The following PCDHGA1 variants were observed in gnomAD, a reference collection of about 807,000 sequenced individuals.
PCDHGA1 encodes protocadherin gamma-A1.
PCDHGA1 carries 32 observed loss-of-function variants against 58.0 expected under a neutral mutation model. That is an observed-to-expected ratio of 0.55 (90% confidence interval 0.42 to 0.74). The LOEUF (loss-of-function observed/expected upper bound fraction) is 0.74, where lower values mean the gene tolerates loss of function less well. Ranked by LOEUF, PCDHGA1 falls within the 30% of genes least tolerant of loss-of-function variation. The pLI, the probability that PCDHGA1 is intolerant of heterozygous loss-of-function variation, is 0.00. For synonymous variants in PCDHGA1, 498 were observed against 501.1 expected (o/e 0.99, Z 0.08); for missense variants, 1,205 against 1,182.3 (o/e 1.02, Z -0.28).
chr5:141,365,319 G>T (rs745669256), intron 1 of PCDHGA1: 2 of 1,613,982 alleles, frequency 1.2e-6, no homozygotes, highest in South Asian at 2.2e-5. Context: ...CTTGTTGCCA[G>T]CGCTAAGGTG....
intron 3 of PCDHGA1, 89 bp from the exon 4 acceptor site, chr5:141,510,858 T>C (rs992991460): frequency 5.8e-5 from 93 of 1,606,182 alleles, no homozygotes; most frequent in South Asian, 1.0e-4. Flanking sequence ...GGGTGCTGTA[T>C]AGGCATTCAT....
At chr5:141,461,251 A>G (rs925406409) in intron 1 of PCDHGA1, among the ~76,000 whole-genome samples, 1 of 152,156 alleles carries the variant, frequency 6.6e-6, no homozygotes, top group Non-Finnish European at 1.5e-5. Flanking sequence ...TTATATTCCC[A>G]GCAGCAATGT....
chr5:141,494,801 C>T lies in PCDHGA1; in HGVS notation c.2422-6C>T, dbSNP rs2099757031. ...CTCAGCCCCTTTCCCTCTGTTTTCTCCACAGCAAGCCCCGCCCAACACGGA... is the reference window on the plus strand; with the variant it reads ...CTCAGCCCCTTTCCCTCTGTTTTCTTCACAGCAAGCCCCGCCCAACACGGA... On this transcript the variant is annotated splice_polypyrimidine_tract_variant and splice_region_variant and intron_variant, in intron 1 of 3. Transcript: ENST00000517417. The T allele has an allele frequency of 6.2e-7, 1 of 1,614,146 alleles. No individual in the cohort carries two copies. The highest frequency in any genetic ancestry group is 2.2e-5 in the East Asian group (1 of 44,880).
At chr5:141,346,901 T>C (rs562632250) in intron 1 of PCDHGA1, among the ~76,000 whole-genome samples, 2 of 152,364 alleles carry the variant, frequency 1.3e-5, no homozygotes, top group Admixed American at 6.5e-5. Context: ...TCCTGATACA[T>C]ACAAGTAAAA....
chr5:141,376,530 G>C (rs200613052), intron 1 of PCDHGA1: 3 of 1,613,550 alleles, frequency 1.9e-6, no homozygotes, highest in African/African-American at 1.3e-5. Context: ...CCGCCTAAGC[G>C]GGAAGAGTAA....
intron 1 of PCDHGA1, among the ~76,000 whole-genome samples, chr5:141,468,759 G>A (rs1202810666): frequency 3.9e-5 from 6 of 151,990 alleles, no homozygotes; most frequent in Admixed American, 2.0e-4. Context: ...CCAGCTACTC[G>A]GGAGGCTGAG....
chr5:141,483,756 G>C (rs11739909), intron 1 of PCDHGA1, among the ~76,000 whole-genome samples: 24,641 of 152,020 alleles, frequency 0.16, 2,128 homozygotes, highest in African/African-American at 0.22. Context: ...GAGGATCGAG[G>C]CTTGGAAAAA....
At chr5:141,410,706 G>A in intron 1 of PCDHGA1, 1 of 1,454,410 alleles carries the variant, frequency 6.9e-7, no homozygotes, top group Non-Finnish European at 9.2e-7. Flanking sequence ...TTCATATCTA[G>A]AATCATATGT....
intron 1 of PCDHGA1, among the ~76,000 whole-genome samples, chr5:141,483,652 G>A (rs746306843): frequency 2.0e-5 from 3 of 151,916 alleles, no homozygotes; most frequent in Non-Finnish European, 4.4e-5. Context: ...GTGTGTTTGT[G>A]TGTGTGTGTG....
In PCDHGA1 at chr5:141,332,362, C is replaced by T. The variant is rs771225232; in HGVS notation, c.1678C>T (p.Pro560Ser). The change falls in exon 1 of 4, where the codon CCC (proline) becomes TCC (serine). Residue 560 changes from proline to serine, a missense_variant. Coordinates refer to ENST00000517417, the MANE Select transcript of PCDHGA1 (RefSeq NM_018912.3). The surrounding 1 kb of genome is among the most constrained non-coding windows in gnomAD (Gnocchi z 4.6). ...CCTGCTGGACCAGAACGACAACGCGCCCGAGATCCTGTACCCCGCCCTCCC... is the reference window on the plus strand; with the variant it reads ...CCTGCTGGACCAGAACGACAACGCGTCCGAGATCCTGTACCCCGCCCTCCC... ...LFLLDQNDNA[P>S]EILYPALPTD... 6.2e-7 allele frequency: 1 copy of T among 1,614,210 alleles called. No individual in the cohort carries two copies. The highest frequency in any genetic ancestry group is 8.5e-7 in the Non-Finnish European group (1 of 1,180,054).
chr5:141,375,043 A>G, intron 1 of PCDHGA1: 1 of 1,614,056 alleles, frequency 6.2e-7, no homozygotes, highest in Non-Finnish European at 8.5e-7. Context: ...TGGGTGTTGA[A>G]GCCCGGGATG....
chr5:141,427,114 A>G (rs767478190), intron 1 of PCDHGA1: 1 of 457,522 alleles, frequency 2.2e-6, no homozygotes, highest in Non-Finnish European at 4.4e-6. Flanking sequence ...GAGATCACCT[A>G]CTCTTTCAAA....
At chr5:141,482,719 G>C (rs1221351410) in intron 1 of PCDHGA1, among the ~76,000 whole-genome samples, 1 of 129,252 alleles carries the variant, frequency 7.7e-6, no homozygotes, top group African/African-American at 3.5e-5. Flanking sequence ...GGCAGGGAGG[G>C]GCCATTGCAA....
intron 1 of PCDHGA1, chr5:141,417,855 G>A: frequency 6.5e-7 from 1 of 1,544,918 alleles, no homozygotes. Context: ...GAACCCGAGC[G>A]AACGATGGGA....
intron 1 of PCDHGA1, chr5:141,366,452 G>A (rs1764567762): frequency 3.7e-6 from 6 of 1,614,196 alleles, no homozygotes; most frequent in East Asian, 4.5e-5. Flanking sequence ...CCTGGCCTTC[G>A]TCATCGTGCT....
intron 1 of PCDHGA1, chr5:141,410,274 A>G: frequency 4.3e-6 from 7 of 1,613,948 alleles, no homozygotes; most frequent in Non-Finnish European, 5.9e-6. Context: ...CTGCAGTTTT[A>G]CCTGGTGGTG....
intron 1 of PCDHGA1, chr5:141,384,391 G>A: frequency 1.2e-6 from 2 of 1,613,920 alleles, no homozygotes; most frequent in Non-Finnish European, 1.7e-6. Context: ...CACCATCCAG[G>A]GGGCTCCAGT....
chr5:141,450,991 A>AT (rs1351194705), intron 1 of PCDHGA1, among the ~76,000 whole-genome samples: 1 of 150,700 alleles, frequency 6.6e-6, no homozygotes. Context: ...CACCCGGCTA[A>AT]TTTTTTTGTA....
At position 141,511,940 on chromosome 5, in the gene PCDHGA1, G is replaced by A. The variant is rs2099884015; in HGVS notation, c.*767G>A. 1 of 154,118 alleles carries A rather than the reference G, an allele frequency of 6.5e-6. No homozygotes were observed. The highest frequency in any genetic ancestry group is 1.9e-4 in the East Asian group (1 of 5,214). 9.5% of individuals were successfully genotyped at this position (154,118 alleles called of 1,614,324 possible). ...TCCACTGCATGTTCCAAGACAGTAT[G>A]GGGTGGTAAGATAAGGAAGGGAAGT... On this transcript the variant is annotated 3_prime_UTR_variant, in exon 4 of 4. Coordinates refer to ENST00000517417, the MANE Select transcript of PCDHGA1 (RefSeq NM_018912.3).
Sources: gnomAD v4.1 joint callset for allele counts (sites outside exome capture counted in the v4.1 genomes callset) on GRCh38, gnomAD v4.1.1 for gene constraint, Gnocchi (gnomAD v3.1) non-coding constraint, MANE v1.5 for transcripts, NCBI Gene and HGNC (gene_info 2026-07-23, HGNC 2026-07-21) for gene names.